The following ELAPOR2 variants were observed in gnomAD, a reference collection of about 807,000 sequenced individuals.
The protein encoded by ELAPOR2 is endosome-lysosome associated apoptosis and autophagy regulator family member 2, also known as endosome/lysosome-associated apoptosis and autophagy regulator family member 2.
In ELAPOR2, 89 loss-of-function variants were observed where a neutral mutation model predicts 120.7. The observed-to-expected ratio is 0.74, with a 90% CI of 0.62 to 0.88. ELAPOR2 has a LOEUF of 0.88. Ranked by LOEUF, ELAPOR2 falls within the 40% of genes least tolerant of loss-of-function variation. The probability of loss-of-function intolerance (pLI) is 0.00; values close to 1 mark genes in which losing one functional copy is unlikely to be tolerated. For missense variants in ELAPOR2, 1,134 were observed against 1,251.6 expected (o/e 0.91, Z 1.42); for synonymous variants, 444 against 444.9 (o/e 1.00, Z 0.03).
intron 1 of ELAPOR2, among the ~76,000 whole-genome samples, chr7:87,010,972 A>G (rs1411678829): frequency 6.6e-6 from 1 of 152,170 alleles, no homozygotes; most frequent in South Asian, 2.1e-4. Flanking sequence ...AAATTTTTAA[A>G]AAGAAAATAT....
At chr7:86,983,213 G>C (rs1583946273) in intron 1 of ELAPOR2, among the ~76,000 whole-genome samples, 1 of 152,178 alleles carries the variant, frequency 6.6e-6, no homozygotes, top group African/African-American at 2.4e-5. Context: ...ACATTTGATT[G>C]GTGTACCTGA....
chr7:86,998,211 CTAGT>C (rs1229449131), intron 1 of ELAPOR2, among the ~76,000 whole-genome samples: 1 of 152,060 alleles, frequency 6.6e-6, no homozygotes, highest in East Asian at 1.9e-4. Context: ...AGAAGGTATT[CTAGT>C]TAAACAATGG....
Position 87,059,640 on chromosome 7 carries a change from C to G in ELAPOR2, c.-127G>C. 3.9e-6 allele frequency: 4 copies of G among 1,021,618 alleles called. No individual in the cohort carries two copies. The highest frequency in any genetic ancestry group is 4.8e-6 in the Non-Finnish European group (4 of 838,258). The allele number at this position is 1,021,618 out of a possible 1,614,324, so 63.3% of individuals were successfully genotyped here. A position where few individuals can be genotyped will look rare whatever the true frequency, so the allele number is the denominator to read the frequency against. On this transcript the variant is annotated 5_prime_UTR_variant, in exon 1 of 22. Coordinates refer to ENST00000450689, the MANE Select transcript of ELAPOR2 (RefSeq NM_001142749.3). ...CGCTCCGTCACCCGCTGCCCGTCCG[C>G]CCGCTGACAGCTCTGCTGCGCTCGC... is the stretch of plus-strand genomic sequence containing the variant.
rs1313473568 is a variant in ELAPOR2, at chr7:86,945,093, C to A, written c.507-47G>T. ...GCACTTTACATTAATGTTCTGAAAC[C>A]TCTTCTATTCACAAAACTATGTAAC... On this transcript the variant is annotated intron_variant, in intron 3 of 21. Coordinates refer to ENST00000450689, the MANE Select transcript of ELAPOR2 (RefSeq NM_001142749.3). The A allele has an allele frequency of 1.1e-5, 16 of 1,504,448 alleles. No individual in the cohort carries two copies. The South Asian group carries it at 1.6e-4, about 15-fold the overall frequency. The allele number at this position is 1,504,448 out of a possible 1,614,324, so 93.2% of individuals were successfully genotyped here.
intron 1 of ELAPOR2, among the ~76,000 whole-genome samples, chr7:87,003,502 G>A (rs533656973): frequency 2.0e-4 from 30 of 152,150 alleles, no homozygotes; most frequent in East Asian, 3.9e-4. Context: ...TTCCCCCTTC[G>A]CTTTCTCTCC....
At chr7:86,970,463 C>T (rs142800689) in intron 1 of ELAPOR2, among the ~76,000 whole-genome samples, 228 of 152,118 alleles carry the variant, frequency 1.5e-3, no homozygotes, top group African/African-American at 5.2e-3. Context: ...GAAAGGCTTC[C>T]GAATTTAAGT....
chr7:87,018,724 G>T (rs568672127), intron 1 of ELAPOR2, among the ~76,000 whole-genome samples: 1 of 152,314 alleles, frequency 6.6e-6, no homozygotes, highest in East Asian at 1.9e-4. Context: ...GTGGAAATGG[G>T]TTCCCTGAAT....
chr7:86,992,011 A>G (rs754309052), intron 1 of ELAPOR2, among the ~76,000 whole-genome samples: 1 of 152,228 alleles, frequency 6.6e-6, no homozygotes, highest in African/African-American at 2.4e-5. Flanking sequence ...ACTAAGGAAA[A>G]TGGGGATAAT....
rs1799253984 is a variant in ELAPOR2 at position 86,878,500 on chromosome 7, A to G, written c.*1971T>C. 1 of 152,226 alleles carries G rather than the reference A, an allele frequency of 6.6e-6. No individual in the cohort carries two copies. The highest frequency in any genetic ancestry group is 6.5e-5 in the Admixed American group (1 of 15,276). The allele number at this position is 152,226 out of a possible 1,614,324, so 9.4% of individuals were successfully genotyped here. A position where few individuals can be genotyped will look rare whatever the true frequency, so the allele number is the denominator to read the frequency against. ...TAGTCCAGTGACAGGAGAAGAAAGA[A>G]GCTACCTGGGAGAAAATCCCAATTA... On this transcript the variant is annotated 3_prime_UTR_variant, in exon 22 of 22. Coordinates refer to ENST00000450689, the MANE Select transcript of ELAPOR2 (RefSeq NM_001142749.3).
intron 21 of ELAPOR2, among the ~76,000 whole-genome samples, chr7:86,885,689 C>A (rs2115765008): frequency 6.6e-6 from 1 of 152,228 alleles, no homozygotes; most frequent in Middle Eastern, 3.4e-3. Context: ...CACCATCATA[C>A]CTACTCTCCT....
chr7:86,960,227 T>C (rs186775694), intron 2 of ELAPOR2, among the ~76,000 whole-genome samples: 49 of 152,314 alleles, frequency 3.2e-4, no homozygotes, highest in Non-Finnish European at 6.8e-4. Flanking sequence ...ATTTGGTCTA[T>C]AAAGCTGTTT....
At chr7:86,930,515 T>C (rs1355016959) in intron 8 of ELAPOR2, among the ~76,000 whole-genome samples, 3 of 151,968 alleles carry the variant, frequency 2.0e-5, no homozygotes, top group African/African-American at 7.2e-5. Flanking sequence ...AAGTACTGTG[T>C]TACAGACATT....
At chr7:86,995,728 C>T (rs62488050) in intron 1 of ELAPOR2, among the ~76,000 whole-genome samples, 17,353 of 151,928 alleles carry the variant, frequency 0.11, 1,244 homozygotes, top group Non-Finnish European at 0.16. Flanking sequence ...ATATAACAAG[C>T]GAATAAACTT....
chr7:86,889,831 G>C (rs1413388806), intron 21 of ELAPOR2, among the ~76,000 whole-genome samples: 1 of 151,926 alleles, frequency 6.6e-6, no homozygotes, highest in East Asian at 1.9e-4. Context: ...GGAAATATCT[G>C]AGTGCCAGTG....
intron 1 of ELAPOR2, among the ~76,000 whole-genome samples, chr7:87,052,938 AG>A (rs769452507): frequency 2.0e-5 from 3 of 152,134 alleles, no homozygotes; most frequent in Non-Finnish European, 4.4e-5. Context: ...CTGGGACTAC[AG>A]GCCCATGCCA....
intron 21 of ELAPOR2, among the ~76,000 whole-genome samples, chr7:86,884,827 G>C (rs1490061091): frequency 1.3e-5 from 2 of 152,152 alleles, no homozygotes; most frequent in East Asian, 3.9e-4. Context: ...AGAATGACAA[G>C]CAGGTGGGCC....
intron 2 of ELAPOR2, among the ~76,000 whole-genome samples, chr7:86,955,122 T>C (rs1791419431): frequency 1.3e-5 from 2 of 152,128 alleles, no homozygotes; most frequent in African/African-American, 2.4e-5. Flanking sequence ...GAACAGCATA[T>C]TGAATCCAGC....
chr7:87,055,283 A>G (rs1317199725), intron 1 of ELAPOR2, among the ~76,000 whole-genome samples: 1 of 152,190 alleles, frequency 6.6e-6, no homozygotes, highest in East Asian at 1.9e-4. Flanking sequence ...ATCAAGTTAG[A>G]ACATTTCATT....
intron 21 of ELAPOR2, among the ~76,000 whole-genome samples, chr7:86,881,731 A>G (rs1799416083): frequency 1.3e-5 from 2 of 152,182 alleles, no homozygotes; most frequent in Admixed American, 1.3e-4. Flanking sequence ...TTTAATTGTT[A>G]GAGAAAGCTT....
Sources: gnomAD v4.1 joint callset for allele counts (sites outside exome capture counted in the v4.1 genomes callset) on GRCh38, gnomAD v4.1.1 for gene constraint, MANE v1.5 for transcripts, NCBI Gene and HGNC (gene_info 2026-07-23, HGNC 2026-07-21) for gene names.